The following ANKS3 variants were observed in gnomAD, a reference collection of about 807,000 sequenced individuals.
The protein encoded by ANKS3 is ankyrin repeat and SAM domain-containing protein 3.
ANKS3 carries 62 observed loss-of-function variants against 80.7 expected under a neutral mutation model. The observed-to-expected ratio is 0.77, with a 90% CI of 0.63 to 0.95. ANKS3 has a LOEUF of 0.95. Ranked by LOEUF, ANKS3 falls within the 40% of genes least tolerant of loss-of-function variation. The pLI is 0.00. For missense variants in ANKS3, 1,150 were observed against 883.6 expected, an observed-to-expected ratio of 1.30 and a Z score of -3.82; for synonymous variants, 489 against 355.3, an observed-to-expected ratio of 1.38 and a Z score of -4.23.
intron 6 of ANKS3, among the ~76,000 whole-genome samples, chr16:4,719,520 T>C (rs952431263): frequency 2.9e-4 from 44 of 152,140 alleles, no homozygotes; most frequent in African/African-American, 1.1e-3. Context: ...AAGAATTATC[T>C]GGCCGGGCAT....
chr16:4,725,733 C>T (rs1472309255), intron 5 of ANKS3, among the ~76,000 whole-genome samples: 1 of 152,198 alleles, frequency 6.6e-6, no homozygotes, highest in African/African-American at 2.4e-5. Flanking sequence ...TCTCTCAGTT[C>T]ACTGCAACCT....
rs191916321 is a variant in ANKS3 at position 4,706,176 on chromosome 16, G to A, written c.710-923C>T. On this transcript the variant is annotated intron_variant, in intron 7 of 17. Transcript: ENST00000304283. The stretch of plus-strand genomic sequence containing the variant: ...CGCAAAGTGCTGGGATTATAGGCAC[G>A]TTACCACTGTGCCCGGCTGGAAACA... Among the ~76,000 whole-genome samples the A allele has an allele frequency of 1.8e-3, 269 of 152,062 alleles. 1 individual carries two copies. Among genetic ancestry groups the A allele is most frequent in the Middle Eastern group, 3.4e-3 (1 of 294 alleles).
rs187460796 is a variant in ANKS3, at chr16:4,709,581, G to A, written c.710-4328C>T. Among the ~76,000 whole-genome samples, 392 of 152,242 alleles carry A rather than the reference G, an allele frequency of 2.6e-3. 2 individuals carry two copies. The highest frequency in any genetic ancestry group is 9.1e-3 in the African/African-American group (379 of 41,540). ...AATCAACCTGTGTCCATCAGTGGAT[G>A]AACGAAGACAGAAAATGAGTTTATA... is the stretch of plus-strand genomic sequence containing the variant. On this transcript the variant is annotated intron_variant, in intron 7 of 17. Coordinates refer to ENST00000304283, the MANE Select transcript of ANKS3 (RefSeq NM_133450.4).
At chr16:4,707,331 G>A (rs968497969) in intron 7 of ANKS3, among the ~76,000 whole-genome samples, 12 of 150,758 alleles carry the variant, frequency 8.0e-5, no homozygotes, top group Non-Finnish European at 1.5e-4. Flanking sequence ...ACCTAGGCTG[G>A]AGTGCAGTGG....
intron 8 of ANKS3, among the ~76,000 whole-genome samples, chr16:4,704,011 G>A (rs2080056161): frequency 3.3e-5 from 5 of 152,222 alleles, no homozygotes; most frequent in Admixed American, 2.6e-4. Context: ...TTGGAAGGAA[G>A]AGACTCTGCC....
Position 4,734,017 on chromosome 16 carries a change from C to T in ANKS3, c.-150G>A, listed in dbSNP as rs1449186463. On this transcript the variant is annotated 5_prime_UTR_variant, in exon 1 of 18. It introduces an in-frame stop codon into an upstream open reading frame of the 5' UTR. Coordinates refer to ENST00000304283, the MANE Select transcript of ANKS3 (RefSeq NM_133450.4). ...GCACAGGGCATTACTGTGCCCCCAC[C>T]ACAACCACATAAAGAAAATGTGGGG... 4 of 985,290 alleles carry T rather than the reference C, an allele frequency of 4.1e-6. No individual in the cohort carries two copies. In the East Asian group the frequency reaches 3.4e-4, roughly 84 times the overall value. The allele number at this position is 985,290 out of a possible 1,614,324, so 61.0% of individuals were successfully genotyped here. A position where few individuals can be genotyped will look rare whatever the true frequency, so the allele number is the denominator to read the frequency against.
At chr16:4,727,375 G>C (rs2081407759) in intron 3 of ANKS3, 198 bp from the exon 4 acceptor site, 1 of 620,606 alleles carries the variant, frequency 1.6e-6, no homozygotes, top group Admixed American at 2.7e-5. Context: ...GTGAGGCCCT[G>C]AGCCTTCGTC....
intron 7 of ANKS3, among the ~76,000 whole-genome samples, chr16:4,707,290 T>TC (rs1026990314): frequency 6.6e-6 from 1 of 151,456 alleles, no homozygotes; most frequent in African/African-American, 2.4e-5. Flanking sequence ...ACTTTTTTTT[T>TC]TTTTTTTTTG....
intron 1 of ANKS3, among the ~76,000 whole-genome samples, chr16:4,732,730 C>G (rs1367608316): frequency 6.6e-6 from 1 of 150,608 alleles, no homozygotes; most frequent in Admixed American, 6.6e-5. Flanking sequence ...ATGTCCCATC[C>G]CGAGTGGTGT....
intron 7 of ANKS3, among the ~76,000 whole-genome samples, chr16:4,713,792 C>G (rs1437808563): frequency 6.6e-6 from 1 of 152,178 alleles, no homozygotes; most frequent in African/African-American, 2.4e-5. Flanking sequence ...GGGGCCTGCC[C>G]CTACTCGGTA....
At chr16:4,718,512 A>G (rs188683685) in intron 6 of ANKS3, among the ~76,000 whole-genome samples, 1 of 152,340 alleles carries the variant, frequency 6.6e-6, no homozygotes, top group Non-Finnish European at 1.5e-5. Context: ...TTCCTCCCCT[A>G]GCAAAGAGCA....
At chr16:4,697,915 C>G in intron 15 of ANKS3, 62 bp downstream of exon 15, 3 of 1,410,076 alleles carry the variant, frequency 2.1e-6, no homozygotes, top group Non-Finnish European at 2.8e-6. Flanking sequence ...TGGGTCAAAC[C>G]TGGCTTCAGG....
rs545636736 is a variant in ANKS3 at position 4,719,568 on chromosome 16, C to G, written c.573+5182G>C. On this transcript the variant is annotated intron_variant, in intron 6 of 17. Transcript: ENST00000304283. ...CTGTAACTCCAGCACTTTGGGAGGC[C>G]AAGGTGGGAAGATTGCTTGAGGCCA... Among the ~76,000 whole-genome samples the G allele has an allele frequency of 1.0e-4, 15 of 149,930 alleles. No homozygotes were observed. In the South Asian group the frequency reaches 3.0e-3, roughly 30 times the overall value.
intron 6 of ANKS3, among the ~76,000 whole-genome samples, chr16:4,720,666 C>T (rs184049689): frequency 2.0e-5 from 3 of 151,468 alleles, no homozygotes; most frequent in East Asian, 1.9e-4. Context: ...GTAGGCCAGG[C>T]GCAGTGGCTC....
At position 4,697,057 on chromosome 16, in the gene ANKS3, G is replaced by C. The variant is rs1280427649; in HGVS notation, c.1942C>G (p.Leu648Val). Residue 648 changes from leucine to valine, a missense_variant, in exon 17 of 18, where the codon CTG becomes GTG. Coordinates refer to ENST00000304283, the MANE Select transcript of ANKS3 (RefSeq NM_133450.4). ...VTQSLEKLQV[L>V]NGKKWRET ...GTCTCCCGCCACTTCTTCCCGTTCA[G>C]CACCTGCAGCTTCTCCAGGCTCTGG... 1 of 1,613,868 alleles carries C rather than the reference G, an allele frequency of 6.2e-7. No homozygotes were observed. The highest frequency in any genetic ancestry group is 1.3e-5 in the African/African-American group (1 of 75,030).
chr16:4,705,752 G>A (rs936805498), intron 7 of ANKS3, among the ~76,000 whole-genome samples: 3 of 151,856 alleles, frequency 2.0e-5, no homozygotes, highest in Non-Finnish European at 4.4e-5. Flanking sequence ...GAGCCACCAT[G>A]CCCAGCCAGG....
intron 15 of ANKS3, among the ~76,000 whole-genome samples, 158 bp downstream of exon 15, chr16:4,697,819 C>G (rs574012793): frequency 7.2e-5 from 11 of 152,300 alleles, no homozygotes; most frequent in African/African-American, 2.4e-4. Flanking sequence ...GTCCCCAGGG[C>G]CCCCTCTTTT....
intron 6 of ANKS3, 120 bp downstream of exon 6, chr16:4,724,630 T>A: frequency 2.1e-6 from 2 of 962,410 alleles, no homozygotes; most frequent in South Asian, 3.3e-5. Context: ...GAAAATGTGT[T>A]GAATAAATGA....
At position 4,725,511 on chromosome 16, in the gene ANKS3, T is replaced by C. The variant is rs573378563; in HGVS notation, c.492-680A>G. 2.6e-5 allele frequency among the ~76,000 whole-genome samples: 4 copies of C among 152,364 alleles called. No individual in the cohort carries two copies. In the South Asian group the frequency reaches 8.3e-4, roughly 32 times the overall value. ...TAGTAGCATATTTTTTCTTTCTTAGTGGCATACAAAATTATCAGGTGTCTT... is the reference window on the plus strand; with the variant it reads ...TAGTAGCATATTTTTTCTTTCTTAGCGGCATACAAAATTATCAGGTGTCTT... On this transcript the variant is annotated intron_variant, in intron 5 of 17. Transcript: ENST00000304283.
Sources: allele counts gnomAD v4.1 joint callset (sites outside exome capture counted in the v4.1 genomes callset), GRCh38; gene constraint gnomAD v4.1.1; transcripts MANE v1.5; gene names NCBI Gene and HGNC (gene_info 2026-07-23, HGNC 2026-07-21).